ZNF197: variants seen among roughly 807,000 people sequenced by gnomAD.
The protein encoded by ZNF197 is zinc finger protein 197, also known as VHL-associated KRAB-A domain-containing protein.
A neutral mutation model predicts 27.4 loss-of-function variants in ZNF197; 14 were observed. The observed-to-expected ratio is 0.51, with a 90% CI of 0.34 to 0.80. The LOEUF is 0.80. ZNF197 is among the 30% of genes least tolerant of loss of function. The pLI is 0.02. For missense variants in ZNF197, 1,090 were observed against 1,222.6 expected (o/e 0.89, Z 1.62); for synonymous variants, 415 against 420.0 (o/e 0.99, Z 0.15).
chr3:44,644,004 T>G lies in ZNF197; in HGVS notation c.2874T>G (p.Tyr958Ter). Residue 958 changes from tyrosine to a stop codon, truncating the protein, a stop_gained, in exon 6 of 6, where the codon TAT (tyrosine) becomes TAG (stop). Transcript: ENST00000344387. LOFTEE classifies it low-confidence loss of function (END_TRUNC). ...HQRIHTGEKPYGCNDCSKVFR... is the reference protein window; with the variant it reads ...HQRIHTGEKP ...GAATTCACACAGGGGAGAAACCCTA[T>G]GGGTGTAATGATTGTAGTAAAGTTT... is the stretch of plus-strand genomic sequence containing the variant. The G allele has an allele frequency of 6.2e-7, 1 of 1,614,154 alleles. No homozygotes were observed. Among genetic ancestry groups the G allele is most frequent in the Non-Finnish European group, 8.5e-7 (1 of 1,180,022 alleles).
Position 44,647,321 on chromosome 3 carries a change from G to A in ZNF197, c.*3101G>A, listed in dbSNP as rs1318955260. On this transcript the variant is annotated 3_prime_UTR_variant, in exon 6 of 6. Coordinates refer to ENST00000344387, the MANE Select transcript of ZNF197 (RefSeq NM_006991.5). ...TTTAATGGTGGTAACTGCTGGCAAGGATGAAGAGAAACAGGATCTCATACA... is the reference window on the plus strand; with the variant it reads ...TTTAATGGTGGTAACTGCTGGCAAGAATGAAGAGAAACAGGATCTCATACA... 5 of 152,030 alleles carry A rather than the reference G, an allele frequency of 3.3e-5. No individual in the cohort carries two copies. Among genetic ancestry groups the A allele is most frequent in the African/African-American group, 7.2e-5 (3 of 41,476 alleles). The allele number at this position is 152,030 out of a possible 1,614,324, so 9.4% of individuals were successfully genotyped here. A position where few individuals can be genotyped will look rare whatever the true frequency, so the allele number is the denominator to read the frequency against.
At position 44,645,968 on chromosome 3, in the gene ZNF197, T is replaced by TA; in HGVS notation, c.*1749dup. The TA allele has an allele frequency of 1.0e-6, 1 of 985,460 alleles. No homozygotes were observed. The highest frequency in any genetic ancestry group is 1.2e-6 in the Non-Finnish European group (1 of 829,932). The allele number at this position is 985,460 out of a possible 1,614,324, so 61.0% of individuals were successfully genotyped here. A position where few individuals can be genotyped will look rare whatever the true frequency, so the allele number is the denominator to read the frequency against. ...GTTTCTGTAGCTGGACTATGAATAA[T>TA]ACCTGAATATGAAGATTGTGTTTTT... On this transcript the variant is annotated 3_prime_UTR_variant, in exon 6 of 6. Coordinates refer to ENST00000344387, the MANE Select transcript of ZNF197 (RefSeq NM_006991.5).
intron 5 of ZNF197, among the ~76,000 whole-genome samples, chr3:44,635,910 A>C (rs1454055035): frequency 6.6e-6 from 1 of 152,224 alleles, no homozygotes; most frequent in African/African-American, 2.4e-5. Flanking sequence ...TAACAGTTTT[A>C]CTGAGGTATA....
At position 44,646,636 on chromosome 3, in the gene ZNF197, T is replaced by G. The variant is rs1262121929; in HGVS notation, c.*2416T>G. On this transcript the variant is annotated 3_prime_UTR_variant, in exon 6 of 6. Transcript: ENST00000344387. ...GAAAAAGAGAGGGGAGTGAAAATTG[T>G]TCAAGCTGTCTTGAGTCTGCTGTGA... 2 of 725,052 alleles carry G rather than the reference T, an allele frequency of 2.8e-6. No individual in the cohort carries two copies. Among genetic ancestry groups the G allele is most frequent in the Non-Finnish European group, 4.9e-6 (2 of 404,106 alleles). 44.9% of individuals were successfully genotyped at this position (725,052 alleles called of 1,614,324 possible). A position where few individuals can be genotyped will look rare whatever the true frequency, so the allele number is the denominator to read the frequency against.
At chr3:44,632,018 C>A in intron 3 of ZNF197, 87 bp from the exon 4 acceptor site, 1 of 1,186,960 alleles carries the variant, frequency 8.4e-7, no homozygotes, top group Non-Finnish European at 1.3e-6. Flanking sequence ...ATTCTTACTG[C>A]TACTCTTTGT....
In ZNF197 at chr3:44,647,407, A is replaced by G. The variant is rs1703017695; in HGVS notation, c.*3187A>G. 1 of 152,150 alleles carries G rather than the reference A, an allele frequency of 6.6e-6. No individual in the cohort carries two copies. Among genetic ancestry groups the G allele is most frequent in the Non-Finnish European group, 1.5e-5 (1 of 68,012 alleles). The allele number at this position is 152,150 out of a possible 1,614,324, so 9.4% of individuals were successfully genotyped here. A position where few individuals can be genotyped will look rare whatever the true frequency, so the allele number is the denominator to read the frequency against. The stretch of plus-strand genomic sequence containing the variant: ...ATATAATTTGGCAGTTTCTTGTAAA[A>G]CCACACATGTATATGTCATGCTTCA... On this transcript the variant is annotated 3_prime_UTR_variant, in exon 6 of 6. Coordinates refer to ENST00000344387, the MANE Select transcript of ZNF197 (RefSeq NM_006991.5).
chr3:44,646,148 AG>A lies in ZNF197; in HGVS notation c.*1930del. 1 of 984,950 alleles carries A rather than the reference AG, an allele frequency of 1.0e-6. No homozygotes were observed. Among genetic ancestry groups the A allele is most frequent in the South Asian group, 4.7e-5 (1 of 21,278 alleles). 61.0% of individuals were successfully genotyped at this position (984,950 alleles called of 1,614,324 possible). A position where few individuals can be genotyped will look rare whatever the true frequency, so the allele number is the denominator to read the frequency against. On this transcript the variant is annotated 3_prime_UTR_variant, in exon 6 of 6. Transcript: ENST00000344387. ...AAGTCTTAAGACCTGGATGTGGTTC[AG>A]GTTTTGCCATCTGCCTCAGAAAAAA...
chr3:44,631,277 T>TC (rs888140763), intron 3 of ZNF197, 56 bp downstream of exon 3: 1 of 1,597,756 alleles, frequency 6.3e-7, no homozygotes, highest in African/African-American at 1.3e-5. Context: ...CTGTGGCTCA[T>TC]CCCCCTACTT....
rs963671666 is a variant in ZNF197 at position 44,645,909 on chromosome 3, T to C, written c.*1689T>C. 1 of 985,440 alleles carries C rather than the reference T, an allele frequency of 1.0e-6. No homozygotes were observed. The highest frequency in any genetic ancestry group is 1.2e-6 in the Non-Finnish European group (1 of 829,940). 61.0% of individuals were successfully genotyped at this position (985,440 alleles called of 1,614,324 possible). A position where few individuals can be genotyped will look rare whatever the true frequency, so the allele number is the denominator to read the frequency against. ...GTTTAACTCAGTCTATATTCTTAAG[T>C]TGGTAATTTTTATGTTGTAATTCTC... On this transcript the variant is annotated 3_prime_UTR_variant, in exon 6 of 6. Transcript: ENST00000344387.
At chr3:44,637,601 C>G (rs1005661908) in intron 5 of ZNF197, among the ~76,000 whole-genome samples, 2 of 152,062 alleles carry the variant, frequency 1.3e-5, no homozygotes, top group African/African-American at 4.8e-5. Context: ...TTAGCTCTTA[C>G]ATTTCGGTCT....
intron 5 of ZNF197, among the ~76,000 whole-genome samples, chr3:44,638,421 A>G (rs1702423292): frequency 1.3e-5 from 2 of 151,908 alleles, no homozygotes; most frequent in African/African-American, 4.8e-5. Flanking sequence ...TTATATGTTG[A>G]GCTTGTATCC....
At position 44,642,721 on chromosome 3, in the gene ZNF197, A is replaced by G. The variant is rs770462061; in HGVS notation, c.1591A>G (p.Ile531Val). Residue 531 changes from isoleucine (I) to valine (V), a missense_variant, in exon 6 of 6, where the codon ATC becomes GTC. Transcript: ENST00000344387. ...LKKSLILHQR[I>V]HSGEKPYKCD... ...GAAGAGCCTCATTCTGCACCAGAGA[A>G]TCCACTCTGGGGAAAAACCCTATAA... 3.1e-6 allele frequency: 5 copies of G among 1,613,746 alleles called. 1 individual carries two copies. The highest frequency in any genetic ancestry group is 3.3e-4 in the Middle Eastern group (2 of 6,062).
intron 1 of ZNF197, chr3:44,628,867 C>A: frequency 4.1e-6 from 1 of 246,748 alleles, no homozygotes; most frequent in Non-Finnish European, 7.7e-6. Context: ...TGTTTGGTTT[C>A]AGCAGTCTCG....
Position 44,625,100 on chromosome 3 carries a change from C to G in ZNF197, c.-125C>G, listed in dbSNP as rs1482190585. On this transcript the variant is annotated 5_prime_UTR_variant, in exon 1 of 6. Transcript: ENST00000344387. The stretch of plus-strand genomic sequence containing the variant: ...GTGTCATCTCCTAGCGGCCTGGCGC[C>G]GAGGCGGCGGTACGCAAGGCTGGAG... The G allele has an allele frequency of 6.6e-6, 1 of 152,150 alleles. No individual in the cohort carries two copies. The highest frequency in any genetic ancestry group is 2.1e-4 in the South Asian group (1 of 4,830). 9.4% of individuals were successfully genotyped at this position (152,150 alleles called of 1,614,324 possible).
rs1702635320 is a variant in ZNF197, at chr3:44,642,057, G to T, written c.927G>T (p.Gln309His). 2 of 1,614,034 alleles carry T rather than the reference G, an allele frequency of 1.2e-6. No homozygotes were observed. Among genetic ancestry groups the T allele is most frequent in the Admixed American group, 1.7e-5 (1 of 60,006 alleles). Residue 309 changes from glutamine (Q) to histidine (H), a missense_variant, in exon 6 of 6, where the codon CAG (glutamine) becomes CAT (histidine). Gln to His is a conservative substitution (Grantham distance 24, BLOSUM62 0). Coordinates refer to ENST00000344387, the MANE Select transcript of ZNF197 (RefSeq NM_006991.5). Reference protein sequence around the residue: ...EECEWQVLASQWGNETDERAD... With the variant: ...EECEWQVLASHWGNETDERAD... ...GTGAATGGCAAGTTTTGGCAAGTCA[G>T]TGGGGAAATGAAACAGATGAAAGGG...
chr3:44,631,706 T>TG (rs1478202558), intron 3 of ZNF197, among the ~76,000 whole-genome samples: 16 of 144,558 alleles, frequency 1.1e-4, no homozygotes, highest in Admixed American at 5.5e-4. Flanking sequence ...CGGCCATTTT[T>TG]GTTTTTTTTT....
rs1428952273 is a variant in ZNF197, at chr3:44,647,215, A to G, written c.*2995A>G. On this transcript the variant is annotated 3_prime_UTR_variant, in exon 6 of 6. Coordinates refer to ENST00000344387, the MANE Select transcript of ZNF197 (RefSeq NM_006991.5). ...AGATAGCAAATAAGCAAATGAAAAG[A>G]TGTTCAACATCATTAGGCATGAGGG... 1 of 152,216 alleles carries G rather than the reference A, an allele frequency of 6.6e-6. No individual in the cohort carries two copies. Among genetic ancestry groups the G allele is most frequent in the African/African-American group, 2.4e-5 (1 of 41,454 alleles). 9.4% of individuals were successfully genotyped at this position (152,216 alleles called of 1,614,324 possible).
Position 44,644,735 on chromosome 3 carries a change from A to G in ZNF197, c.*515A>G. The G allele has an allele frequency of 1.0e-6, 1 of 985,918 alleles. No homozygotes were observed. Among genetic ancestry groups the G allele is most frequent in the Non-Finnish European group, 1.2e-6 (1 of 830,324 alleles). The allele number at this position is 985,918 out of a possible 1,614,324, so 61.1% of individuals were successfully genotyped here. On this transcript the variant is annotated 3_prime_UTR_variant, in exon 6 of 6. Coordinates refer to ENST00000344387, the MANE Select transcript of ZNF197 (RefSeq NM_006991.5). ...ATGAGAGCAACAATAAAAAGTAGAC[A>G]TGGGCTGGGTGCAGTGGCTCACTCC...
intron 5 of ZNF197, among the ~76,000 whole-genome samples, chr3:44,638,312 T>G (rs534420158): frequency 9.9e-5 from 15 of 152,210 alleles, no homozygotes; most frequent in African/African-American, 3.4e-4. Flanking sequence ...TTTATACGTT[T>G]CTCAGGCTGA....
Sources: allele counts gnomAD v4.1 joint callset (sites outside exome capture counted in the v4.1 genomes callset), GRCh38; gene constraint gnomAD v4.1.1; transcripts MANE v1.5; gene names NCBI Gene and HGNC (gene_info 2026-07-23, HGNC 2026-07-21).